FBXL20: variants seen among roughly 807,000 people sequenced by gnomAD.
FBXL20 encodes F-box and leucine rich repeat protein 20, also known as F-box/LRR-repeat protein 20.
In FBXL20, 11 loss-of-function variants were observed where a neutral mutation model predicts 64.0. That is an observed-to-expected ratio of 0.17 (90% confidence interval 0.11 to 0.28). FBXL20 has a LOEUF of 0.28. FBXL20 is among the 10% of genes least tolerant of loss of function. The pLI, the probability that FBXL20 is intolerant of heterozygous loss-of-function variation, is 1.00. For synonymous variants in FBXL20, 184 were observed against 189.0 expected (o/e 0.97, Z 0.22); for missense variants, 303 against 526.2 (o/e 0.58, Z 4.15).
At chr17:39,294,455 A>AT (rs2047067354) in intron 6 of FBXL20, among the ~76,000 whole-genome samples, 1 of 150,874 alleles carries the variant, frequency 6.6e-6, no homozygotes, top group Non-Finnish European at 1.5e-5. Context: ...AATTTTTTGT[A>AT]TTTTTTTGTA....
intron 1 of FBXL20, among the ~76,000 whole-genome samples, chr17:39,400,200 G>A (rs1038224419): frequency 6.6e-6 from 1 of 152,172 alleles, no homozygotes; most frequent in Non-Finnish European, 1.5e-5. Flanking sequence ...TAACACTGAA[G>A]CTCTGAACTT....
At chr17:39,346,438 C>A (rs962069862) in intron 1 of FBXL20, among the ~76,000 whole-genome samples, 10 of 152,056 alleles carry the variant, frequency 6.6e-5, no homozygotes, top group African/African-American at 2.4e-4. Context: ...ATGCGAAACA[C>A]CACCACAGGG....
chr17:39,356,587 C>T (rs2047743319), intron 1 of FBXL20, among the ~76,000 whole-genome samples: 1 of 152,072 alleles, frequency 6.6e-6, no homozygotes, highest in African/African-American at 2.4e-5. Context: ...AACTCCTGGA[C>T]TCAAGCAATC....
At chr17:39,292,760 C>A (rs1282169336) in intron 6 of FBXL20, among the ~76,000 whole-genome samples, 1 of 151,136 alleles carries the variant, frequency 6.6e-6, no homozygotes, top group Non-Finnish European at 1.5e-5. Flanking sequence ...TTTTGGGTCA[C>A]ATTTTCCCAC....
chr17:39,339,753 CCT>C (rs1288912619), intron 2 of FBXL20, among the ~76,000 whole-genome samples: 5 of 152,012 alleles, frequency 3.3e-5, no homozygotes, highest in Non-Finnish European at 5.9e-5. Context: ...GTTCGATTCC[CCT>C]GTCTCAGCCT....
chr17:39,391,338 C>T (rs1166471608), intron 1 of FBXL20, among the ~76,000 whole-genome samples: 1 of 151,228 alleles, frequency 6.6e-6, no homozygotes, highest in Non-Finnish European at 1.5e-5. Context: ...CAAAGTCTAA[C>T]TGGCTTTTCT....
At chr17:39,354,368 T>C (rs930426172) in intron 1 of FBXL20, among the ~76,000 whole-genome samples, 6 of 152,224 alleles carry the variant, frequency 3.9e-5, no homozygotes, top group African/African-American at 1.4e-4. Context: ...ACAAAGAGAT[T>C]AATGTTCATC....
chr17:39,270,718 G>T, intron 11 of FBXL20, 78 bp downstream of exon 11: 3 of 1,237,358 alleles, frequency 2.4e-6, no homozygotes, highest in Non-Finnish European at 3.4e-6. Context: ...CATTTCCCTT[G>T]CTGCTTGTTC....
chr17:39,385,594 G>A (rs957851745), intron 1 of FBXL20, among the ~76,000 whole-genome samples: 4 of 152,092 alleles, frequency 2.6e-5, no homozygotes, highest in African/African-American at 7.2e-5. Flanking sequence ...GAGACTTGAG[G>A]CTACTGTAAG....
chr17:39,313,871 G>C (rs112364758), intron 2 of FBXL20, among the ~76,000 whole-genome samples: 2 of 152,170 alleles, frequency 1.3e-5, no homozygotes, highest in African/African-American at 4.8e-5. Flanking sequence ...CCGACCTCAA[G>C]TGATCTGCCC....
intron 2 of FBXL20, among the ~76,000 whole-genome samples, chr17:39,324,023 C>CCACCCCCCCGCCA (rs2047384636): frequency 7.2e-6 from 1 of 139,030 alleles, no homozygotes; most frequent in Non-Finnish European, 1.5e-5. Context: ...CTCCCCCCCC[C>CCACCCCCCCGCCA]ACCCCCTGGC....
At chr17:39,351,930 A>G (rs1158303359) in intron 1 of FBXL20, among the ~76,000 whole-genome samples, 1 of 152,214 alleles carries the variant, frequency 6.6e-6, no homozygotes, top group South Asian at 2.1e-4. Flanking sequence ...TAAAATTATA[A>G]TTGTTTTTCT....
chr17:39,315,868 A>AGC (rs1555607921), intron 2 of FBXL20, among the ~76,000 whole-genome samples: 247 of 144,590 alleles, frequency 1.7e-3, no homozygotes, highest in Middle Eastern at 3.5e-3. Context: ...AGAGAGAGAG[A>AGC]GAGCAACTGT....
At chr17:39,315,393 T>TTTTATATATATATATATATATATATATA (rs147050998) in intron 2 of FBXL20, among the ~76,000 whole-genome samples, 4 of 134,550 alleles carry the variant, frequency 3.0e-5, no homozygotes, top group African/African-American at 8.8e-5. Flanking sequence ...TTTAAATAAT[T>TTTTATATATATATATATATATATATATA]TATATATATA....
rs557999544 is a variant in FBXL20 at position 39,354,127 on chromosome 17, G to C, written c.43-10886C>G. On this transcript the variant is annotated intron_variant, in intron 1 of 14. Coordinates refer to ENST00000264658, the MANE Select transcript of FBXL20 (RefSeq NM_032875.3). ...TCACATTCTGGCATCTGTGAAATCA[G>C]GATTCATCTCACAATTAAAAACCAA... Among the ~76,000 whole-genome samples, 4 of 152,184 alleles carry C rather than the reference G, an allele frequency of 2.6e-5. No individual in the cohort carries two copies. In the East Asian group the frequency reaches 7.7e-4, roughly 29 times the overall value.
At chr17:39,366,110 T>A (rs1381886252) in intron 1 of FBXL20, among the ~76,000 whole-genome samples, 1 of 152,162 alleles carries the variant, frequency 6.6e-6, no homozygotes, top group Non-Finnish European at 1.5e-5. Context: ...CTAAGGTAGC[T>A]GAAATTACAG....
At position 39,282,678 on chromosome 17, in the gene FBXL20, T is replaced by TTCAC. The variant is rs369059774; in HGVS notation, c.621+50_621+51insGTGA. On this transcript the variant is annotated intron_variant, in intron 8 of 14. Coordinates refer to ENST00000264658, the MANE Select transcript of FBXL20 (RefSeq NM_032875.3). ...CTTGGGGCTGTCTATAAAGAGCTCATGATTCATTCACGATTCTTCCGAATT... is the reference window on the plus strand; with the variant it reads ...CTTGGGGCTGTCTATAAAGAGCTCATTCACGATTCATTCACGATTCTTCCGAATT... 119 of 1,613,134 alleles carry TTCAC rather than the reference T, an allele frequency of 7.4e-5. 4 individuals are homozygous for TTCAC. The Middle Eastern group carries it at 4.8e-3, about 65-fold the overall frequency.
intron 6 of FBXL20, among the ~76,000 whole-genome samples, chr17:39,296,385 C>G (rs2047085314): frequency 2.0e-5 from 3 of 151,592 alleles, no homozygotes; most frequent in Non-Finnish European, 4.4e-5. Flanking sequence ...AAGGTGAAAC[C>G]CCGTCTCTAC....
intron 1 of FBXL20, among the ~76,000 whole-genome samples, chr17:39,355,322 T>C (rs1280507328): frequency 2.0e-5 from 3 of 150,988 alleles, no homozygotes; most frequent in Admixed American, 1.3e-4. Context: ...GCCCCTAAGG[T>C]TGAGAACAGC....
Sources: gnomAD v4.1 joint callset for allele counts (sites outside exome capture counted in the v4.1 genomes callset) on GRCh38, gnomAD v4.1.1 for gene constraint, MANE v1.5 for transcripts, NCBI Gene and HGNC (gene_info 2026-07-23, HGNC 2026-07-21) for gene names.